Variants in HORMAD2 observed in about 807,000 individuals in gnomAD.
HORMAD2 encodes the protein HORMA domain containing 2.
HORMAD2 carries 45 observed loss-of-function variants against 38.8 expected under a neutral mutation model. That is an observed-to-expected ratio of 1.16 (90% CI 0.91 to 1.49). The LOEUF (loss-of-function observed/expected upper bound fraction) is 1.49. HORMAD2 is among the 40% of genes most tolerant of loss of function. The probability of loss-of-function intolerance (pLI) is 0.00; values close to 1 mark genes in which losing one functional copy is unlikely to be tolerated. For synonymous variants in HORMAD2, 126 were observed against 122.8 expected (o/e 1.03, Z -0.17); for missense variants, 338 against 367.0 (o/e 0.92, Z 0.65).
chr22:30,112,499 T>C lies in HORMAD2; in HGVS notation c.319T>C (p.Tyr107His). The change falls in exon 7 of 11, where the codon TAC becomes CAC. Residue 107 changes from tyrosine (Y) to histidine (H), a missense_variant. Coordinates refer to ENST00000336726, the MANE Select transcript of HORMAD2 (RefSeq NM_152510.4). ...ATGTTTATTTTCCCTTATACAGCTTTACACAGATCCCATGGGATCTGAGGT... is the reference window on the plus strand; with the variant it reads ...ATGTTTATTTTCCCTTATACAGCTTCACACAGATCCCATGGGATCTGAGGT... ...RYLRMAVLTL[Y>H]TDPMGSEKVT... The C allele has an allele frequency of 7.1e-7, 1 of 1,398,712 alleles. No individual in the cohort carries two copies. Among genetic ancestry groups the C allele is most frequent in the Non-Finnish European group, 9.6e-7 (1 of 1,043,540 alleles). 86.6% of individuals were successfully genotyped at this position (1,398,712 alleles called of 1,614,324 possible). A position where few individuals can be genotyped will look rare whatever the true frequency, so the allele number is the denominator to read the frequency against.
chr22:30,149,133 C>A (rs1020767582), intron 10 of HORMAD2, among the ~76,000 whole-genome samples: 2 of 152,178 alleles, frequency 1.3e-5, no homozygotes, highest in Non-Finnish European at 2.9e-5. Context: ...ATTATAACTA[C>A]ATAATTTTAT....
At chr22:30,205,228 GGT>G in the HORMAD2 span, among the ~76,000 whole-genome samples, 151 of 152,114 alleles carry the variant, frequency 9.9e-4, 2 homozygotes, top group South Asian at 0.028. Flanking sequence ...GGTCAGAGAG[GGT>G]GTGTGTGTGT....
chr22:30,126,705 G>C (rs974009214), intron 10 of HORMAD2, among the ~76,000 whole-genome samples: 1 of 152,142 alleles, frequency 6.6e-6, no homozygotes, highest in Non-Finnish European at 1.5e-5. Context: ...GAATTACTAG[G>C]AGTAGAATTG....
At chr22:30,114,677 AT>A (rs1780227749) in intron 7 of HORMAD2, among the ~76,000 whole-genome samples, 1 of 152,242 alleles carries the variant, frequency 6.6e-6, no homozygotes, top group Non-Finnish European at 1.5e-5. Context: ...AGACAGTTGG[AT>A]TAAAATTTGC....
At chr22:30,144,289 G>T (rs1741267300) in intron 10 of HORMAD2, among the ~76,000 whole-genome samples, 1 of 152,152 alleles carries the variant, frequency 6.6e-6, no homozygotes, top group Admixed American at 6.5e-5. Flanking sequence ...TTTGAAATTT[G>T]TTCTGACCAC....
chr22:30,093,944 A>T lies in HORMAD2; in HGVS notation c.-9A>T, dbSNP rs1267748885. The T allele has an allele frequency of 3.1e-6, 5 of 1,594,800 alleles. No individual in the cohort carries two copies. Among genetic ancestry groups the T allele is most frequent in the African/African-American group, 2.7e-5 (2 of 74,464 alleles). On this transcript the variant is annotated 5_prime_UTR_variant, in exon 2 of 11. Coordinates refer to ENST00000336726, the MANE Select transcript of HORMAD2 (RefSeq NM_152510.4). ...GGACTTGTTGAAATAATCCTGATACATTCCTACAATGGCCACTGCTCAGCT... is the reference window on the plus strand; with the variant it reads ...GGACTTGTTGAAATAATCCTGATACTTTCCTACAATGGCCACTGCTCAGCT...
chr22:30,133,921 T>G (rs574422126), intron 10 of HORMAD2, among the ~76,000 whole-genome samples: 1 of 152,246 alleles, frequency 6.6e-6, no homozygotes, highest in Admixed American at 6.5e-5. Flanking sequence ...CAATTCCTCA[T>G]GGATACAGAG....
At chr22:30,202,177 A>G in the HORMAD2 span, among the ~76,000 whole-genome samples, 2 of 152,200 alleles carry the variant, frequency 1.3e-5, no homozygotes, top group African/African-American at 4.8e-5. Flanking sequence ...GGCAGCAGGC[A>G]CCAGGCCAGA....
chr22:30,147,003 C>A (rs1924459454), intron 10 of HORMAD2, among the ~76,000 whole-genome samples: 1 of 152,014 alleles, frequency 6.6e-6, no homozygotes, highest in African/African-American at 2.4e-5. Flanking sequence ...AAGATGTGTA[C>A]AATGAAAACT....
At chr22:30,192,430 GA>G in the HORMAD2 span, among the ~76,000 whole-genome samples, 1 of 152,208 alleles carries the variant, frequency 6.6e-6, no homozygotes, top group Non-Finnish European at 1.5e-5. Context: ...TGACTGCTCA[GA>G]GGTGTGAGGA....
At chr22:30,082,086 G>A (rs919126142) in intron 1 of HORMAD2, among the ~76,000 whole-genome samples, 1 of 152,172 alleles carries the variant, frequency 6.6e-6, no homozygotes, top group Admixed American at 6.5e-5. Flanking sequence ...AATCAAAGGG[G>A]TTGGAAGATG....
intron 10 of HORMAD2, among the ~76,000 whole-genome samples, chr22:30,169,437 T>G (rs1377986580): frequency 6.6e-6 from 1 of 152,208 alleles, no homozygotes; most frequent in Non-Finnish European, 1.5e-5. Context: ...GAAGAACTTA[T>G]GTAACAACTT....
intron 10 of HORMAD2, among the ~76,000 whole-genome samples, chr22:30,128,551 C>T (rs973389748): frequency 6.6e-6 from 1 of 152,160 alleles, no homozygotes; most frequent in Non-Finnish European, 1.5e-5. Context: ...CCTTTGCACA[C>T]ATGAAAGCAT....
At chr22:30,107,364 C>G (rs1921277482) in intron 5 of HORMAD2, among the ~76,000 whole-genome samples, 1 of 152,154 alleles carries the variant, frequency 6.6e-6, no homozygotes. Flanking sequence ...ATGACTTAGT[C>G]TCTTAAGTAA....
Position 30,176,055 on chromosome 22 carries a change from T to A in HORMAD2, c.820-8T>A. The A allele has an allele frequency of 6.3e-7, 1 of 1,590,698 alleles. No individual in the cohort carries two copies. The highest frequency in any genetic ancestry group is 8.6e-7 in the Non-Finnish European group (1 of 1,159,236). The stretch of plus-strand genomic sequence containing the variant: ...CTGAATTGTGCCTCTCTCTGGTGAT[T>A]CTCACAGATTCAAAGAATGAATTTT... On this transcript the variant is annotated splice_region_variant and splice_polypyrimidine_tract_variant and intron_variant, in intron 10 of 10. Transcript: ENST00000336726.
rs565192667 is a variant in HORMAD2 at position 30,125,247 on chromosome 22, CAG to C, written c.819+3036_819+3037del. On this transcript the variant is annotated intron_variant, in intron 10 of 10. Transcript: ENST00000336726. ...TTTTTTTTTTTTTTTTTTTTTGAGA[CAG>C]AGTTTCCTCTTGTTGCCCAGCAGGC... 6.8e-4 allele frequency among the ~76,000 whole-genome samples: 17 copies of C among 25,164 alleles called. No individual in the cohort carries two copies. In the South Asian group the frequency reaches 0.045, roughly 66 times the overall value. The allele number at this position is 25,164 out of a possible 152,430, so 16.5% of individuals were successfully genotyped here.
chr22:30,112,791 A>G (rs981603776), intron 7 of HORMAD2, among the ~76,000 whole-genome samples: 23 of 152,158 alleles, frequency 1.5e-4, no homozygotes, highest in Non-Finnish European at 1.5e-5. Context: ...CTCTTAATGT[A>G]TAAATGTATA....
At chr22:30,200,749 T>TTATTATTATTAC in the HORMAD2 span, among the ~76,000 whole-genome samples, 11 of 148,448 alleles carry the variant, frequency 7.4e-5, 1 homozygote, top group South Asian at 2.4e-3. Context: ...ATTATTATTA[T>TTATTATTATTAC]TATTATTATT....
downstream of HORMAD2, among the ~76,000 whole-genome samples, chr22:30,177,715 CTT>C (rs59806772): frequency 1.9e-3 from 179 of 94,864 alleles, no homozygotes; most frequent in African/African-American, 5.9e-3. Flanking sequence ...TAAGGAGGAG[CTT>C]TTTTTTTTTT....
Sources: allele counts gnomAD v4.1 joint callset (sites outside exome capture counted in the v4.1 genomes callset), GRCh38; gene constraint gnomAD v4.1.1; transcripts MANE v1.5; gene names NCBI Gene and HGNC (gene_info 2026-07-23, HGNC 2026-07-21).